The following ATP6V1C2 variants were observed in gnomAD, a reference collection of about 807,000 sequenced individuals.
ATP6V1C2 encodes V-type proton ATPase subunit C 2.
ATP6V1C2 carries 45 observed loss-of-function variants against 56.8 expected under a neutral mutation model. The observed-to-expected ratio is 0.79, with a 90% CI of 0.62 to 1.02. The LOEUF (loss-of-function observed/expected upper bound fraction) is 1.02, where lower values mean the gene tolerates loss of function less well. Ranked by LOEUF, ATP6V1C2 falls within the 50% of genes least tolerant of loss-of-function variation. The pLI is 0.00. For missense variants in ATP6V1C2, 463 were observed against 519.7 expected (o/e 0.89, Z 1.06); for synonymous variants, 220 against 201.3 (o/e 1.09, Z -0.79).
chr2:10,755,524 T>C (rs1663501317), intron 4 of ATP6V1C2, among the ~76,000 whole-genome samples: 1 of 152,196 alleles, frequency 6.6e-6, no homozygotes, highest in Admixed American at 6.6e-5. Context: ...GGTTTGGAAG[T>C]TGTTCCCCTT....
rs1558433581 is a variant in ATP6V1C2 at position 10,783,515 on chromosome 2, T to A, written c.*252T>A. 1 of 374,218 alleles carries A rather than the reference T, an allele frequency of 2.7e-6. No homozygotes were observed. 23.2% of individuals were successfully genotyped at this position (374,218 alleles called of 1,614,324 possible). ...CATAAATGCGAACTACCTGTTCGCA[T>A]TGGTAACCTGCTGCTGTATTTCATG... On this transcript the variant is annotated 3_prime_UTR_variant, in exon 14 of 14. Transcript: ENST00000272238.
At chr2:10,768,115 TG>T in intron 5 of ATP6V1C2, 1 of 152,702 alleles carries the variant, frequency 6.5e-6, no homozygotes, top group Non-Finnish European at 1.5e-5. Flanking sequence ...TCAAAGCTGG[TG>T]GGGTGTCACG....
intron 3 of ATP6V1C2, among the ~76,000 whole-genome samples, chr2:10,734,866 A>G (rs1214287957): frequency 6.6e-6 from 1 of 152,182 alleles, no homozygotes; most frequent in African/African-American, 2.4e-5. Context: ...TTATAAATCT[A>G]GACATTTAAA....
chr2:10,777,855 C>T (rs577885715), intron 11 of ATP6V1C2, 133 bp downstream of exon 11: 17 of 1,142,956 alleles, frequency 1.5e-5, no homozygotes, highest in East Asian at 1.1e-4. Flanking sequence ...TTTGAGGAGC[C>T]GGAATCATGC....
chr2:10,768,922 A>G, intron 6 of ATP6V1C2, 112 bp downstream of exon 6: 1 of 803,100 alleles, frequency 1.2e-6, no homozygotes, highest in South Asian at 1.6e-5. Context: ...CATGAGAGTG[A>G]GACAGACAGA....
chr2:10,767,102 TTTATC>T (rs906109130), intron 5 of ATP6V1C2, among the ~76,000 whole-genome samples: 1 of 151,936 alleles, frequency 6.6e-6, no homozygotes, highest in Non-Finnish European at 1.5e-5. Flanking sequence ...ACATTTAGTT[TTTATC>T]TTTAAAATCA....
chr2:10,742,685 T>A (rs1662623457), intron 3 of ATP6V1C2, among the ~76,000 whole-genome samples: 1 of 152,082 alleles, frequency 6.6e-6, no homozygotes, highest in Non-Finnish European at 1.5e-5. Context: ...ACCGTTGGGA[T>A]AGAAGCCCTT....
intron 3 of ATP6V1C2, among the ~76,000 whole-genome samples, chr2:10,737,155 C>T (rs1384897583): frequency 1.3e-5 from 2 of 151,184 alleles, no homozygotes; most frequent in African/African-American, 4.9e-5. Flanking sequence ...TGGCTCATGC[C>T]TGTAATTCCA....
Position 10,783,308 on chromosome 2 carries a change from C to T in ATP6V1C2, c.*45C>T. On this transcript the variant is annotated 3_prime_UTR_variant, in exon 14 of 14. Transcript: ENST00000272238. ...TGTCTCATGTTCGTGCAGATTATTA[C>T]AGACACCTCTTTCCTTTAGCCAGAG... 2 of 1,285,296 alleles carry T rather than the reference C, an allele frequency of 1.6e-6. No homozygotes were observed. Among genetic ancestry groups the T allele is most frequent in the Non-Finnish European group, 2.3e-6 (2 of 882,750 alleles). The allele number at this position is 1,285,296 out of a possible 1,614,324, so 79.6% of individuals were successfully genotyped here.
At chr2:10,751,844 A>G (rs1414081869) in intron 3 of ATP6V1C2, among the ~76,000 whole-genome samples, 1 of 152,196 alleles carries the variant, frequency 6.6e-6, no homozygotes, top group Non-Finnish European at 1.5e-5. Flanking sequence ...GCAGTGACTC[A>G]TGCCTGTAAT....
chr2:10,722,809 C>T lies in ATP6V1C2; in HGVS notation c.-26-15C>T. ...TCTGTTTCTGTTTGTGTATGTTTGT[C>T]CTGGTTCTGGGCAGTCACTGGGTAA... On this transcript the variant is annotated splice_polypyrimidine_tract_variant and intron_variant, in intron 1 of 13. Coordinates refer to ENST00000272238, the MANE Select transcript of ATP6V1C2 (RefSeq NM_001039362.2). The T allele has an allele frequency of 6.2e-7, 1 of 1,610,254 alleles. No individual in the cohort carries two copies. The highest frequency in any genetic ancestry group is 8.5e-7 in the Non-Finnish European group (1 of 1,178,180).
At chr2:10,722,790 T>C in intron 1 of ATP6V1C2, 34 bp from the exon 2 acceptor site, 2 of 1,597,782 alleles carry the variant, frequency 1.3e-6, no homozygotes, top group South Asian at 1.1e-5. Context: ...TCCTTCTGTT[T>C]CTGTTTGTGT....
At chr2:10,781,626 A>C (rs1665362932) in intron 12 of ATP6V1C2, among the ~76,000 whole-genome samples, 2 of 152,192 alleles carry the variant, frequency 1.3e-5, no homozygotes, top group Admixed American at 1.3e-4. Flanking sequence ...GGGGATCCCG[A>C]GGGAACATAG....
intron 3 of ATP6V1C2, among the ~76,000 whole-genome samples, chr2:10,726,867 TTTTAAG>T (rs1661671293): frequency 6.6e-6 from 1 of 152,134 alleles, no homozygotes; most frequent in African/African-American, 2.4e-5. Flanking sequence ...CACCAAGCCT[TTTTAAG>T]TTTGTTTATT....
At chr2:10,779,430 T>C (rs1306277311) in intron 12 of ATP6V1C2, among the ~76,000 whole-genome samples, 4 of 108,542 alleles carry the variant, frequency 3.7e-5, no homozygotes, top group African/African-American at 1.4e-4. Flanking sequence ...AAAAAAAAAA[T>C]ATATATATAT....
At chr2:10,779,265 C>T (rs1408309163) in intron 12 of ATP6V1C2, among the ~76,000 whole-genome samples, 3 of 151,352 alleles carry the variant, frequency 2.0e-5, no homozygotes, top group South Asian at 2.1e-4. Context: ...CCACCACGCC[C>T]GGCTAATTTT....
At position 10,784,578 on chromosome 2, in the gene ATP6V1C2, A is replaced by C; in HGVS notation, c.*1315A>C. 1 of 522,616 alleles carries C rather than the reference A, an allele frequency of 1.9e-6. No individual in the cohort carries two copies. The allele number at this position is 522,616 out of a possible 1,614,324, so 32.4% of individuals were successfully genotyped here. On this transcript the variant is annotated 3_prime_UTR_variant, in exon 14 of 14. Coordinates refer to ENST00000272238, the MANE Select transcript of ATP6V1C2 (RefSeq NM_001039362.2). ...GAAGCCACTTGAACGTGTCCTTTTG[A>C]GGAGGGTGGGACACAACAGTACAGA...
At position 10,777,706 on chromosome 2, in the gene ATP6V1C2, G is replaced by A; in HGVS notation, c.947G>A (p.Ser316Asn). The A allele has an allele frequency of 2.5e-6, 4 of 1,613,238 alleles. No homozygotes were observed. Among genetic ancestry groups the A allele is most frequent in the Non-Finnish European group, 3.4e-6 (4 of 1,179,678 alleles). ...GGGCAGACCGACAGAGAGAGAGAGA[G>A]TGAGGGCGAGGGTGAGGTAAGCAAC... ...AAGQTDRERESEGEGEGPLLR... is the reference protein window; with the variant it reads ...AAGQTDRERENEGEGEGPLLR... Residue 316 changes from serine to asparagine, a missense_variant, in exon 11 of 14, where the codon AGT becomes AAT. By Grantham distance (46) the Ser-to-Asn change is conservative. Transcript: ENST00000272238.
At chr2:10,756,001 T>C (rs900375764) in intron 4 of ATP6V1C2, among the ~76,000 whole-genome samples, 16 of 152,254 alleles carry the variant, frequency 1.1e-4, no homozygotes, top group African/African-American at 3.6e-4. Flanking sequence ...ATTAAATGTT[T>C]AAATATCTGT....
Sources: allele counts gnomAD v4.1 joint callset (sites outside exome capture counted in the v4.1 genomes callset), GRCh38; gene constraint gnomAD v4.1.1; transcripts MANE v1.5; gene names NCBI Gene and HGNC (gene_info 2026-07-23, HGNC 2026-07-21).